The following PANK1 variants were observed in gnomAD, a reference collection of about 807,000 sequenced individuals.
The protein encoded by PANK1 is pantothenic acid kinase 1.
PANK1 carries 18 observed loss-of-function variants against 40.1 expected under a neutral mutation model. That is an observed-to-expected ratio of 0.45 (90% CI 0.31 to 0.67). PANK1 has a LOEUF of 0.67. Among genes scored for constraint, PANK1 ranks in the 30% least tolerant of loss-of-function variants. The probability of loss-of-function intolerance (pLI) is 0.06; values close to 1 mark genes in which losing one functional copy is unlikely to be tolerated. For synonymous variants in PANK1, 242 were observed against 237.7 expected (o/e 1.02, Z -0.17); for missense variants, 457 against 599.6 (o/e 0.76, Z 2.48).
chr10:89,607,966 A>G (rs1254313732), intron 2 of PANK1, among the ~76,000 whole-genome samples: 2 of 151,974 alleles, frequency 1.3e-5, no homozygotes, highest in African/African-American at 4.8e-5. Flanking sequence ...CCATTTTGAT[A>G]ACTCATTGAT....
intron 1 of PANK1, chr10:89,625,794 C>T (rs879884283): frequency 1.3e-5 from 2 of 151,754 alleles, no homozygotes; most frequent in Non-Finnish European, 2.9e-5. Flanking sequence ...ATTCTGGTAG[C>T]ACCATGAAGT....
intron 2 of PANK1, among the ~76,000 whole-genome samples, chr10:89,600,206 A>T (rs1844733321): frequency 6.6e-6 from 1 of 152,246 alleles, no homozygotes. Context: ...TCTAATAGGG[A>T]ATGCTGCCAA....
chr10:89,593,662 A>G, intron 4 of PANK1, 151 bp downstream of exon 4: 3 of 669,892 alleles, frequency 4.5e-6, no homozygotes, highest in Non-Finnish European at 7.9e-6. Flanking sequence ...TCAGTGCTTC[A>G]TCAAGGGCAG....
chr10:89,639,257 A>T (rs1325955151), intron 1 of PANK1: 3 of 449,104 alleles, frequency 6.7e-6, no homozygotes, highest in Non-Finnish European at 1.3e-5. Flanking sequence ...AGAAAGGGCA[A>T]GAGATTGAAC....
intron 1 of PANK1, among the ~76,000 whole-genome samples, chr10:89,615,192 T>C (rs1845279801): frequency 6.6e-6 from 1 of 152,146 alleles, no homozygotes; most frequent in Non-Finnish European, 1.5e-5. Flanking sequence ...AAATAGGAGA[T>C]ACTTCCGCAC....
At chr10:89,591,174 G>C (rs1378528502) in intron 5 of PANK1, among the ~76,000 whole-genome samples, 1 of 151,902 alleles carries the variant, frequency 6.6e-6, no homozygotes, top group Non-Finnish European at 1.5e-5. Context: ...GCTACCTTTG[G>C]AAAGATAAAT....
chr10:89,606,300 G>A (rs560111481), intron 2 of PANK1, among the ~76,000 whole-genome samples: 1 of 152,322 alleles, frequency 6.6e-6, no homozygotes, highest in South Asian at 2.1e-4. Context: ...TACTATGAAA[G>A]TCTTAGGTGG....
intron 5 of PANK1, among the ~76,000 whole-genome samples, chr10:89,590,810 G>A (rs1301118539): frequency 6.6e-6 from 1 of 152,110 alleles, no homozygotes; most frequent in Non-Finnish European, 1.5e-5. Flanking sequence ...GCAAAAGGCA[G>A]TATTTTTAGA....
At chr10:89,637,314 C>T (rs1468785427) in intron 1 of PANK1, among the ~76,000 whole-genome samples, 2 of 152,192 alleles carry the variant, frequency 1.3e-5, no homozygotes, top group South Asian at 2.1e-4. Context: ...CACTTAATGA[C>T]GGGTATTTTC....
At chr10:89,605,223 G>A (rs1170719620) in intron 2 of PANK1, among the ~76,000 whole-genome samples, 1 of 152,146 alleles carries the variant, frequency 6.6e-6, no homozygotes, top group African/African-American at 2.4e-5. Context: ...GCTGAGGGTT[G>A]GGGTGGCTGT....
intron 1 of PANK1, among the ~76,000 whole-genome samples, chr10:89,629,607 T>C (rs963903764): frequency 3.9e-5 from 6 of 152,200 alleles, no homozygotes; most frequent in African/African-American, 1.2e-4. Context: ...CACTGTCTCA[T>C]TTTACAAATC....
chr10:89,630,686 GT>G (rs1841614620), intron 1 of PANK1, among the ~76,000 whole-genome samples: 7 of 152,124 alleles, frequency 4.6e-5, no homozygotes, highest in Admixed American at 4.6e-4. Flanking sequence ...TAGAGACTGA[GT>G]TTCACTGTGT....
chr10:89,599,344 G>A lies in PANK1; in HGVS notation c.807C>T (p.Asn269=), dbSNP rs560844242. The A allele has an allele frequency of 6.2e-7, 1 of 1,613,404 alleles. No individual in the cohort carries two copies. Among genetic ancestry groups the A allele is most frequent in the South Asian group, 1.1e-5 (1 of 91,066 alleles). The change falls in exon 3 of 7, where the codon AAC becomes AAT. Residue 269 remains asparagine, a synonymous_variant. Coordinates refer to ENST00000307534, the MANE Select transcript of PANK1 (RefSeq NM_148977.3). Reference sequence around the variant, plus strand: ...TGTTAACCAGCAACATAGGGTATGGGTTATCAAGGCAGTACGGCTTTTTTT... The same window carrying A: ...TGTTAACCAGCAACATAGGGTATGGATTATCAAGGCAGTACGGCTTTTTTT... The part of the protein sequence containing the change: ...LCQKKPYCLD[N]PYPMLLVNMG...
chr10:89,628,292 G>A (rs145501206), intron 1 of PANK1, among the ~76,000 whole-genome samples: 1 of 152,288 alleles, frequency 6.6e-6, no homozygotes, highest in African/African-American at 2.4e-5. Context: ...TTAATCAACT[G>A]ATGAACATGG....
chr10:89,630,312 A>G (rs970481319), intron 1 of PANK1, among the ~76,000 whole-genome samples: 1 of 152,214 alleles, frequency 6.6e-6, no homozygotes, highest in Non-Finnish European at 1.5e-5. Context: ...CAGCAACATT[A>G]TATCAATTAA....
Position 89,584,518 on chromosome 10 carries a change from G to A in PANK1, c.1327-53C>T, listed in dbSNP as rs930009165. The stretch of plus-strand genomic sequence containing the variant: ...TCTGAACCTTAGCCAAATATGTATT[G>A]TTTTTAATAATTCTAGGAATGCCAC... On this transcript the variant is annotated intron_variant, in intron 6 of 6. Coordinates refer to ENST00000307534, the MANE Select transcript of PANK1 (RefSeq NM_148977.3). 6.8e-6 allele frequency: 8 copies of A among 1,183,218 alleles called. No homozygotes were observed. In the African/African-American group the frequency reaches 9.0e-5, roughly 13 times the overall value. 73.3% of individuals were successfully genotyped at this position (1,183,218 alleles called of 1,614,324 possible).
intron 5 of PANK1, among the ~76,000 whole-genome samples, chr10:89,590,993 T>C (rs906847173): frequency 6.6e-6 from 1 of 152,118 alleles, no homozygotes; most frequent in Non-Finnish European, 1.5e-5. Flanking sequence ...CACTGATGGA[T>C]TAATGGAGGT....
At chr10:89,630,879 C>A (rs1290508915) in intron 1 of PANK1, among the ~76,000 whole-genome samples, 1 of 152,184 alleles carries the variant, frequency 6.6e-6, no homozygotes, top group Admixed American at 6.5e-5. Flanking sequence ...CTAAAAGTTA[C>A]ACCCAAGCTG....
chr10:89,616,559 T>C (rs1269459581), intron 1 of PANK1, among the ~76,000 whole-genome samples: 1 of 152,014 alleles, frequency 6.6e-6, no homozygotes, highest in Non-Finnish European at 1.5e-5. Flanking sequence ...GTCAAGGTTG[T>C]AGTGTACTAC....
Sources: allele counts gnomAD v4.1 joint callset (sites outside exome capture counted in the v4.1 genomes callset), GRCh38; gene constraint gnomAD v4.1.1; transcripts MANE v1.5; gene names NCBI Gene and HGNC (gene_info 2026-07-23, HGNC 2026-07-21).